Variants in LAMC2 observed in about 807,000 individuals in gnomAD.
LAMC2 encodes laminin subunit gamma-2.
Under a neutral mutation model 140.2 loss-of-function variants are expected in LAMC2, and 97 were observed. The ratio of observed to expected loss-of-function variants is 0.69; its 90% CI spans 0.59 to 0.82. LAMC2 has a LOEUF of 0.82. Ranked by LOEUF, LAMC2 falls within the 40% of genes least tolerant of loss-of-function variation. The pLI, the probability that LAMC2 is intolerant of heterozygous loss-of-function variation, is 0.00. For missense variants in LAMC2, 1,402 were observed against 1,476.1 expected (o/e 0.95, Z 0.82); for synonymous variants, 513 against 540.2 (o/e 0.95, Z 0.70).
In LAMC2 at chr1:183,244,949, C is replaced by G. The variant is rs1348668192; in HGVS notation, c.*1549C>G. On this transcript the variant is annotated 3_prime_UTR_variant, in exon 23 of 23. Coordinates refer to ENST00000264144, the MANE Select transcript of LAMC2 (RefSeq NM_005562.3). Reference sequence around the variant, plus strand: ...ACTAAACTCTAAGCCTATGATGGTACCAAAGTAATGGAAATGAAAATGCCA... The same window carrying G: ...ACTAAACTCTAAGCCTATGATGGTAGCAAAGTAATGGAAATGAAAATGCCA... 6.6e-6 allele frequency: 1 copy of G among 152,144 alleles called. No homozygotes were observed. Among genetic ancestry groups the G allele is most frequent in the Non-Finnish European group, 1.5e-5 (1 of 68,020 alleles). 9.4% of individuals were successfully genotyped at this position (152,144 alleles called of 1,614,324 possible). A position where few individuals can be genotyped will look rare whatever the true frequency, so the allele number is the denominator to read the frequency against.
Position 183,232,647 on chromosome 1 carries a change from T to A in LAMC2, c.2015-5T>A. The A allele has an allele frequency of 6.2e-7, 1 of 1,612,160 alleles. No homozygotes were observed. The highest frequency in any genetic ancestry group is 8.5e-7 in the Non-Finnish European group (1 of 1,179,444). The stretch of plus-strand genomic sequence containing the variant: ...CTCATGCTCCCTTTCCTTCTTTGCG[T>A]TCAGGTGCTAGCAGATCCCTTGGTC... On this transcript the variant is annotated splice_polypyrimidine_tract_variant and splice_region_variant and intron_variant, in intron 13 of 22. Coordinates refer to ENST00000264144, the MANE Select transcript of LAMC2 (RefSeq NM_005562.3).
intron 4 of LAMC2, 88 bp downstream of exon 4, chr1:183,218,576 A>G: frequency 9.7e-7 from 1 of 1,026,076 alleles, no homozygotes; most frequent in Non-Finnish European, 1.5e-6. Context: ...AATTATGGAA[A>G]AGGGATACTT....
At chr1:183,257,208 C>T in the LAMC2 span, among the ~76,000 whole-genome samples, 7 of 151,772 alleles carry the variant, frequency 4.6e-5, no homozygotes, top group African/African-American at 1.7e-4. Context: ...TTTGGGAGGC[C>T]GAGGTGGGTG....
intron 3 of LAMC2, 68 bp downstream of exon 3, chr1:183,215,656 C>G: frequency 6.3e-7 from 1 of 1,582,698 alleles, no homozygotes; most frequent in Non-Finnish European, 8.7e-7. Context: ...CCTTAGCAAA[C>G]ACTTGTATTT....
At chr1:183,213,748 CA>C (rs529019896) in intron 2 of LAMC2, among the ~76,000 whole-genome samples, 1,049 of 68,148 alleles carry the variant, frequency 0.015, 5 homozygotes, top group African/African-American at 0.017. Flanking sequence ...TGCAGTGAGC[CA>C]AAAAAAAAAA....
intron 2 of LAMC2, among the ~76,000 whole-genome samples, chr1:183,214,817 T>C (rs1407332980): frequency 6.6e-6 from 1 of 151,814 alleles, no homozygotes; most frequent in Admixed American, 6.6e-5. Flanking sequence ...TGCCCTGAGT[T>C]TTTCATGAAC....
chr1:183,246,457 G>C (rs746163999), downstream of LAMC2, among the ~76,000 whole-genome samples: 2 of 152,164 alleles, frequency 1.3e-5, no homozygotes, highest in Non-Finnish European at 2.9e-5. Context: ...AAGCTTTCTT[G>C]CACTTCTCCT....
chr1:183,204,396 G>C (rs867443410), intron 1 of LAMC2, among the ~76,000 whole-genome samples: 3 of 151,122 alleles, frequency 2.0e-5, no homozygotes, highest in Non-Finnish European at 4.4e-5. Flanking sequence ...AGGAGTTTAC[G>C]ACCAGACTGG....
chr1:183,239,465 C>T lies in LAMC2; in HGVS notation c.2971C>T (p.Gln991Ter). ...QKVSDASDKT[Q>*]QAERALGSAA... ...GGTTTCAGATGCCAGTGACAAGACC[C>T]AGCAAGCAGAAAGAGCCCTGGGGAG... The change falls in exon 20 of 23, where the codon CAG becomes TAG. Residue 991 changes from glutamine to a stop codon, truncating the protein, a stop_gained. Coordinates refer to ENST00000264144, the MANE Select transcript of LAMC2 (RefSeq NM_005562.3). LOFTEE classifies it high-confidence loss of function. 1 of 1,614,098 alleles carries T rather than the reference C, an allele frequency of 6.2e-7. No homozygotes were observed. Among genetic ancestry groups the T allele is most frequent in the Non-Finnish European group, 8.5e-7 (1 of 1,179,976 alleles).
At chr1:183,253,947 G>GTGTGTGTA in the LAMC2 span, among the ~76,000 whole-genome samples, 1 of 148,754 alleles carries the variant, frequency 6.7e-6, no homozygotes, top group Non-Finnish European at 1.5e-5. Context: ...GTGTGTGTAT[G>GTGTGTGTA]TGTGTGTGTA....
At chr1:183,215,007 C>G (rs1659207565) in intron 2 of LAMC2, among the ~76,000 whole-genome samples, 1 of 152,128 alleles carries the variant, frequency 6.6e-6, no homozygotes, top group Admixed American at 6.6e-5. Flanking sequence ...CCTTTTTATG[C>G]TCTTAAAAAT....
At chr1:183,213,247 T>C (rs1207140845) in intron 2 of LAMC2, among the ~76,000 whole-genome samples, 1 of 152,246 alleles carries the variant, frequency 6.6e-6, no homozygotes, top group African/African-American at 2.4e-5. Flanking sequence ...TTTATGCTAT[T>C]ATCACTGAAG....
rs1265316857 is a variant in LAMC2, at chr1:183,244,939, T to C, written c.*1539T>C. 6.6e-6 allele frequency: 1 copy of C among 152,254 alleles called. No individual in the cohort carries two copies. Among genetic ancestry groups the C allele is most frequent in the Non-Finnish European group, 1.5e-5 (1 of 68,048 alleles). 9.4% of individuals were successfully genotyped at this position (152,254 alleles called of 1,614,324 possible). A position where few individuals can be genotyped will look rare whatever the true frequency, so the allele number is the denominator to read the frequency against. On this transcript the variant is annotated 3_prime_UTR_variant, in exon 23 of 23. Coordinates refer to ENST00000264144, the MANE Select transcript of LAMC2 (RefSeq NM_005562.3). ...TTTCTGATTTACTAAACTCTAAGCC[T>C]ATGATGGTACCAAAGTAATGGAAAT...
chr1:183,246,353 G>T (rs991218909), downstream of LAMC2, among the ~76,000 whole-genome samples: 3 of 152,152 alleles, frequency 2.0e-5, no homozygotes, highest in Admixed American at 1.3e-4. Context: ...GCTTCCCCAG[G>T]ATCTAGCCTC....
At chr1:183,187,165 G>C (rs1012829078) in intron 1 of LAMC2, among the ~76,000 whole-genome samples, 1 of 152,176 alleles carries the variant, frequency 6.6e-6, no homozygotes, top group Non-Finnish European at 1.5e-5. Flanking sequence ...ATATATGCCT[G>C]TATAATTGCC....
chr1:183,238,740 T>C (rs906504646), intron 19 of LAMC2, among the ~76,000 whole-genome samples: 1 of 152,232 alleles, frequency 6.6e-6, no homozygotes, highest in East Asian at 1.9e-4. Flanking sequence ...GGTTAAACTA[T>C]GTGTTCTCTA....
In LAMC2 at chr1:183,234,362, C is replaced by T. The variant is rs1659889417; in HGVS notation, c.2221-5C>T. The T allele has an allele frequency of 6.2e-7, 1 of 1,613,246 alleles. No homozygotes were observed. The highest frequency in any genetic ancestry group is 8.5e-7 in the Non-Finnish European group (1 of 1,179,264). ...TCGCCTTAACCGATTCTCCTTTTCCCACAGAACATTCCTGCCTCAGACCAC... is the reference window on the plus strand; with the variant it reads ...TCGCCTTAACCGATTCTCCTTTTCCTACAGAACATTCCTGCCTCAGACCAC... On this transcript the variant is annotated splice_region_variant and splice_polypyrimidine_tract_variant and intron_variant, in intron 14 of 22. Coordinates refer to ENST00000264144, the MANE Select transcript of LAMC2 (RefSeq NM_005562.3).
Position 183,244,665 on chromosome 1 carries a change from G to A in LAMC2, c.*1265G>A, listed in dbSNP as rs886045641. On this transcript the variant is annotated 3_prime_UTR_variant, in exon 23 of 23. Coordinates refer to ENST00000264144, the MANE Select transcript of LAMC2 (RefSeq NM_005562.3). Reference sequence around the variant, plus strand: ...AAGACCCTCCCATGGGGGCACTTGAGTTTTGGCAAGGCTGACAGAGCTCTG... The same window carrying A: ...AAGACCCTCCCATGGGGGCACTTGAATTTTGGCAAGGCTGACAGAGCTCTG... 2.0e-5 allele frequency: 3 copies of A among 152,654 alleles called. No homozygotes were observed. The highest frequency in any genetic ancestry group is 1.3e-4 in the Admixed American group (2 of 15,288). 9.5% of individuals were successfully genotyped at this position (152,654 alleles called of 1,614,324 possible).
At chr1:183,240,805 T>G (rs1176103582) in intron 22 of LAMC2, 1 of 518,930 alleles carries the variant, frequency 1.9e-6, no homozygotes, top group East Asian at 9.4e-5. Flanking sequence ...GGAGGAAAGC[T>G]TGAAGAGGGG....
Sources: allele counts gnomAD v4.1 joint callset (sites outside exome capture counted in the v4.1 genomes callset), GRCh38; gene constraint gnomAD v4.1.1; transcripts MANE v1.5; gene names NCBI Gene and HGNC (gene_info 2026-07-23, HGNC 2026-07-21).